Variants in CCSER1 observed in about 807,000 individuals in gnomAD.
The protein encoded by CCSER1 is serine-rich coiled-coil domain-containing protein 1.
A neutral mutation model predicts 82.0 loss-of-function variants in CCSER1; 41 were observed. That is an observed-to-expected ratio of 0.50 (90% CI 0.39 to 0.65). The LOEUF (loss-of-function observed/expected upper bound fraction) is 0.65, where lower values mean the gene tolerates loss of function less well. Among genes scored for constraint, CCSER1 ranks in the 30% least tolerant of loss-of-function variants. CCSER1 has a pLI of 0.00. For synonymous variants in CCSER1, 414 were observed against 383.9 expected, an observed-to-expected ratio of 1.08 and a Z score of -0.92; for missense variants, 1,119 against 1,064.2, an observed-to-expected ratio of 1.05 and a Z score of -0.72.
At chr4:91,323,666 A>G (rs1746352232) in intron 10 of CCSER1, among the ~76,000 whole-genome samples, 1 of 152,200 alleles carries the variant, frequency 6.6e-6, no homozygotes. Context: ...TCCCTCATTT[A>G]AACTTTGAAC....
chr4:91,359,897 T>C (rs1191818844), intron 10 of CCSER1, among the ~76,000 whole-genome samples: 1 of 151,842 alleles, frequency 6.6e-6, no homozygotes, highest in Admixed American at 6.6e-5. Context: ...ACACCATCTA[T>C]GTGACAGCCA....
chr4:91,012,175 G>T lies in CCSER1; in HGVS notation c.2173-73775G>T. ...GCTATGACTTCTCAGGGTAGCCAGG[G>T]TATTTTCCCCAGAGGTACAGTACAG... is the stretch of plus-strand genomic sequence containing the variant. On this transcript the variant is annotated intron_variant, in intron 9 of 10. Coordinates refer to ENST00000509176, the MANE Select transcript of CCSER1 (RefSeq NM_001145065.2). Among the ~76,000 whole-genome samples the T allele has an allele frequency of 1.5e-5, 2 of 134,626 alleles. 1 individual carries two copies. Among genetic ancestry groups the T allele is most frequent in the Non-Finnish European group, 3.5e-5 (2 of 57,878 alleles). The allele number at this position is 134,626 out of a possible 152,430, so 88.3% of individuals were successfully genotyped here. A position where few individuals can be genotyped will look rare whatever the true frequency, so the allele number is the denominator to read the frequency against.
chr4:90,918,549 G>A (rs189146487), intron 8 of CCSER1, among the ~76,000 whole-genome samples: 3 of 149,354 alleles, frequency 2.0e-5, no homozygotes, highest in Non-Finnish European at 3.0e-5. Flanking sequence ...CTTCCTCAGC[G>A]GCGTGTACTT....
chr4:90,143,539 A>C (rs577897469), intron 1 of CCSER1, among the ~76,000 whole-genome samples: 1 of 147,210 alleles, frequency 6.8e-6, no homozygotes, highest in African/African-American at 2.5e-5. Context: ...AGGTATTAAT[A>C]TACCATTATA....
At chr4:90,164,863 A>AT (rs534026307) in intron 1 of CCSER1, among the ~76,000 whole-genome samples, 127 of 152,020 alleles carry the variant, frequency 8.4e-4, no homozygotes, top group African/African-American at 2.7e-3. Flanking sequence ...ATGTTTTTGA[A>AT]TTTTTTTTGA....
intron 5 of CCSER1, among the ~76,000 whole-genome samples, chr4:90,601,872 T>C (rs538227328): frequency 6.6e-6 from 1 of 152,282 alleles, no homozygotes; most frequent in South Asian, 2.1e-4. Flanking sequence ...GGGATTTTTC[T>C]ATCACTAATC....
intron 5 of CCSER1, among the ~76,000 whole-genome samples, chr4:90,548,900 T>C (rs1035451754): frequency 6.6e-6 from 1 of 152,150 alleles, no homozygotes; most frequent in Non-Finnish European, 1.5e-5. Flanking sequence ...GGTTTTAATA[T>C]GTAGTTTTCT....
intron 5 of CCSER1, among the ~76,000 whole-genome samples, chr4:90,569,363 T>C (rs1209084823): frequency 6.6e-6 from 1 of 152,126 alleles, no homozygotes; most frequent in Non-Finnish European, 1.5e-5. Flanking sequence ...ATTTTAAAGC[T>C]GACAATACTG....
At chr4:90,987,097 G>T (rs2150436928) in intron 9 of CCSER1, among the ~76,000 whole-genome samples, 1 of 151,702 alleles carries the variant, frequency 6.6e-6, no homozygotes, top group Admixed American at 6.6e-5. Flanking sequence ...TGCTAAATCA[G>T]CTTGTGATTT....
intron 10 of CCSER1, among the ~76,000 whole-genome samples, chr4:91,356,351 A>G (rs988752327): frequency 7.2e-5 from 11 of 152,212 alleles, no homozygotes; most frequent in Admixed American, 3.3e-4. Context: ...TAATAGATGT[A>G]GTTTATCTAA....
chr4:90,177,135 G>C (rs1732856619), intron 1 of CCSER1, among the ~76,000 whole-genome samples: 1 of 152,156 alleles, frequency 6.6e-6, no homozygotes, highest in South Asian at 2.1e-4. Flanking sequence ...ATGATGACAA[G>C]ATCATGAACA....
chr4:91,483,838 T>C (rs1294561998), intron 10 of CCSER1, among the ~76,000 whole-genome samples: 1 of 152,150 alleles, frequency 6.6e-6, no homozygotes, highest in East Asian at 1.9e-4. Flanking sequence ...GCGAACTTCA[T>C]GAAGAACAAA....
intron 3 of CCSER1, among the ~76,000 whole-genome samples, chr4:90,388,978 C>A (rs941262922): frequency 7.2e-5 from 11 of 152,154 alleles, no homozygotes; most frequent in Non-Finnish European, 1.6e-4. Context: ...ATGTTTATCT[C>A]ATAGTATTGT....
intron 4 of CCSER1, among the ~76,000 whole-genome samples, chr4:90,446,750 G>A (rs1232618183): frequency 6.6e-6 from 1 of 152,096 alleles, no homozygotes; most frequent in Non-Finnish European, 1.5e-5. Flanking sequence ...TGCGGAATGT[G>A]CCTTCCTTTC....
intron 10 of CCSER1, among the ~76,000 whole-genome samples, chr4:91,407,826 G>C (rs570939522): frequency 6.6e-6 from 1 of 152,288 alleles, no homozygotes; most frequent in African/African-American, 2.4e-5. Flanking sequence ...TATGTCCCAG[G>C]AGGCGCCACT....
At chr4:91,265,941 G>A (rs750174817) in intron 10 of CCSER1, among the ~76,000 whole-genome samples, 59 of 152,020 alleles carry the variant, frequency 3.9e-4, no homozygotes, top group Non-Finnish European at 7.4e-4. Context: ...CATGAGGGAA[G>A]GCAAAAGGCA....
At chr4:91,471,180 T>C (rs559883912) in intron 10 of CCSER1, among the ~76,000 whole-genome samples, 20 of 152,288 alleles carry the variant, frequency 1.3e-4, no homozygotes, top group African/African-American at 4.1e-4. Flanking sequence ...GGCCAAAATA[T>C]AAGGTTTTAG....
At position 90,717,834 on chromosome 4, in the gene CCSER1, A is replaced by G. The variant is rs551041452; in HGVS notation, c.1933-6080A>G. ...ATGAGAGATGTTTTTCTGTGTCACA[A>G]TTAGGTATTCTGTATTCCCTTTCTT... On this transcript the variant is annotated intron_variant, in intron 6 of 10. Coordinates refer to ENST00000509176, the MANE Select transcript of CCSER1 (RefSeq NM_001145065.2). Among the ~76,000 whole-genome samples the G allele has an allele frequency of 4.0e-5, 6 of 151,258 alleles. No homozygotes were observed. In the East Asian group the frequency reaches 7.8e-4, roughly 20 times the overall value.
intron 10 of CCSER1, among the ~76,000 whole-genome samples, chr4:91,231,610 AAAGAT>A (rs1365581548): frequency 2.0e-5 from 3 of 151,798 alleles, no homozygotes; most frequent in Non-Finnish European, 4.4e-5. Context: ...TAAAAAGAAA[AAAGAT>A]AAAGACTCCT....
Sources: allele counts gnomAD v4.1 joint callset (sites outside exome capture counted in the v4.1 genomes callset), GRCh38; gene constraint gnomAD v4.1.1; transcripts MANE v1.5; gene names NCBI Gene and HGNC (gene_info 2026-07-23, HGNC 2026-07-21).